The following ADGRA3 variants were observed in gnomAD, a reference collection of about 807,000 sequenced individuals.
ADGRA3 encodes G-protein coupled receptor 125.
ADGRA3 carries 56 observed loss-of-function variants against 119.8 expected under a neutral mutation model. The ratio of observed to expected loss-of-function variants is 0.47; its 90% confidence interval spans 0.38 to 0.58. The LOEUF (loss-of-function observed/expected upper bound fraction) is 0.58, where lower values mean the gene tolerates loss of function less well. Among genes scored for constraint, ADGRA3 ranks in the 20% least tolerant of loss-of-function variants. The probability of loss-of-function intolerance (pLI) is 0.00; values close to 1 mark genes in which losing one functional copy is unlikely to be tolerated. For missense variants in ADGRA3, 1,516 were observed against 1,649.0 expected, an observed-to-expected ratio of 0.92 and a Z score of 1.40; for synonymous variants, 607 against 623.8, an observed-to-expected ratio of 0.97 and a Z score of 0.40.
intron 1 of ADGRA3, among the ~76,000 whole-genome samples, chr4:22,496,436 C>T (rs1395476818): frequency 6.6e-6 from 1 of 152,174 alleles, no homozygotes; most frequent in African/African-American, 2.4e-5. Flanking sequence ...GCAAACATTA[C>T]CTATTATTAT....
intron 10 of ADGRA3, among the ~76,000 whole-genome samples, chr4:22,425,537 A>G (rs535580561): frequency 6.1e-4 from 93 of 152,322 alleles, no homozygotes; most frequent in African/African-American, 2.1e-3. Context: ...AGAGGGAGAC[A>G]TGCAGCAGAA....
intron 1 of ADGRA3, among the ~76,000 whole-genome samples, chr4:22,500,993 T>C (rs2109169445): frequency 6.6e-6 from 1 of 152,256 alleles, no homozygotes; most frequent in South Asian, 2.1e-4. Context: ...CTTAAGTTCT[T>C]AAGCTTTCAG....
At chr4:22,491,752 T>C (rs1718631815) in intron 1 of ADGRA3, among the ~76,000 whole-genome samples, 1 of 152,224 alleles carries the variant, frequency 6.6e-6, no homozygotes, top group Admixed American at 6.5e-5. Flanking sequence ...TTGTTCTTGT[T>C]GTATCTGGAG....
chr4:22,401,741 C>T (rs1349063332), intron 15 of ADGRA3, among the ~76,000 whole-genome samples, 187 bp from the exon 16 acceptor site: 3 of 152,062 alleles, frequency 2.0e-5, no homozygotes, highest in Non-Finnish European at 4.4e-5. Flanking sequence ...CATCATTTAA[C>T]TCGATCTCGT....
chr4:22,457,599 A>G (rs377026539), intron 3 of ADGRA3, among the ~76,000 whole-genome samples: 8 of 152,342 alleles, frequency 5.3e-5, no homozygotes, highest in African/African-American at 1.9e-4. Context: ...CTTAACGTGT[A>G]ACACAGTGAA....
In ADGRA3 at chr4:22,436,523, T is replaced by C; in HGVS notation, c.1204A>G (p.Arg402Gly). The C allele has an allele frequency of 7.4e-6, 12 of 1,613,646 alleles. No individual in the cohort carries two copies. Among genetic ancestry groups the C allele is most frequent in the Non-Finnish European group, 1.0e-5 (12 of 1,179,890 alleles). The part of the protein sequence containing the change: ...DERKAWRRCD[R>G]GGFWADDDYS... ...TCATCATCTGCCCAAAAGCCACCTC[T>C]ATCACATCTGCGCCAAGCTTTTCTC... Residue 402 changes from arginine (R) to glycine (G), a missense_variant, in exon 9 of 19, where the codon AGA becomes GGA. By Grantham distance (125) the Arg-to-Gly change is moderately radical. This residue lies in a region of ADGRA3 where 428 missense variants were observed against 541.9 expected (regional missense o/e 0.79). Transcript: ENST00000334304.
intron 4 of ADGRA3, 49 bp downstream of exon 4, chr4:22,454,817 G>C: frequency 8.1e-6 from 11 of 1,360,490 alleles, no homozygotes; most frequent in Non-Finnish European, 1.2e-5. Flanking sequence ...TTTAGGTACT[G>C]GCTCAAATGC....
chr4:22,387,712 G>A lies in ADGRA3; in HGVS notation c.3959C>T (p.Thr1320Ile). The change falls in exon 19 of 19, where the codon ACT (threonine) becomes ATT (isoleucine). Residue 1320 changes from threonine to isoleucine, a missense_variant. By Grantham distance (89) the Thr-to-Ile change is moderately conservative. Transcript: ENST00000334304. The stretch of plus-strand genomic sequence containing the variant: ...CTAGGAAGCCCAGCAATGTTACACA[G>A]TAGTTTCGTGTTTCCATAATCCAGT... ...VRTGLWKHET[T>I]V 1.2e-6 allele frequency: 2 copies of A among 1,603,032 alleles called. No homozygotes were observed. Among genetic ancestry groups the A allele is most frequent in the Non-Finnish European group, 8.5e-7 (1 of 1,172,834 alleles).
intron 1 of ADGRA3, among the ~76,000 whole-genome samples, chr4:22,475,348 T>C (rs972273917): frequency 1.3e-5 from 2 of 152,232 alleles, no homozygotes; most frequent in African/African-American, 4.8e-5. Flanking sequence ...TTCAATGTTT[T>C]CTGACGTGTC....
rs148366074 is a variant in ADGRA3 at position 22,426,133 on chromosome 4, AGAT to A, written c.1444-1784_1444-1782del. The stretch of plus-strand genomic sequence containing the variant: ...AATCCCGAAATTGGCCTCTCTTTTA[AGAT>A]GATAGACTCTAGAGGTAGTAGAAGG... On this transcript the variant is annotated intron_variant, in intron 10 of 18. Coordinates refer to ENST00000334304, the MANE Select transcript of ADGRA3 (RefSeq NM_145290.4). Among the ~76,000 whole-genome samples the A allele has an allele frequency of 7.1e-4, 108 of 152,316 alleles. No homozygotes were observed. The East Asian group carries it at 0.013, about 18-fold the overall frequency.
At chr4:22,488,507 C>T (rs1718515046) in intron 1 of ADGRA3, among the ~76,000 whole-genome samples, 1 of 152,146 alleles carries the variant, frequency 6.6e-6, no homozygotes. Context: ...CCCTGAGCCT[C>T]GTACAATTCA....
chr4:22,411,654 T>C (rs931114436), intron 14 of ADGRA3, among the ~76,000 whole-genome samples: 17 of 152,130 alleles, frequency 1.1e-4, no homozygotes, highest in African/African-American at 3.4e-4. Context: ...TGTGAACTTA[T>C]AGAAACCAGA....
chr4:22,406,019 T>C (rs1351609070), intron 14 of ADGRA3, among the ~76,000 whole-genome samples: 1 of 152,116 alleles, frequency 6.6e-6, no homozygotes, highest in Admixed American at 6.5e-5. Context: ...TCTACCTCCA[T>C]GAGATCAACT....
At chr4:22,486,998 G>A (rs961652448) in intron 1 of ADGRA3, among the ~76,000 whole-genome samples, 2 of 152,046 alleles carry the variant, frequency 1.3e-5, no homozygotes, top group Non-Finnish European at 2.9e-5. Flanking sequence ...AAAGCTGATA[G>A]TGGACGTTTT....
intron 1 of ADGRA3, among the ~76,000 whole-genome samples, chr4:22,501,131 C>A (rs1289993474): frequency 6.6e-6 from 1 of 152,156 alleles, no homozygotes; most frequent in Non-Finnish European, 1.5e-5. Flanking sequence ...TTCCTTATAA[C>A]CATGTGAGCC....
chr4:22,406,831 C>G lies in ADGRA3; in HGVS notation c.2233-4032G>C, dbSNP rs137863312. Among the ~76,000 whole-genome samples, 949 of 152,034 alleles carry G rather than the reference C, an allele frequency of 6.2e-3. 12 individuals are homozygous for G. Among genetic ancestry groups the G allele is most frequent in the Middle Eastern group, 0.02 (6 of 294 alleles). On this transcript the variant is annotated intron_variant, in intron 14 of 18. Transcript: ENST00000334304. ...TTGGGGGCCAAGAGGCAAATTAAAGCTGTTATGCAGGTAGTATTAACCATG... is the reference window on the plus strand; with the variant it reads ...TTGGGGGCCAAGAGGCAAATTAAAGGTGTTATGCAGGTAGTATTAACCATG...
rs550354702 is a variant in ADGRA3, at chr4:22,515,437, G to A, written c.257+91C>T. 4.1e-6 allele frequency: 6 copies of A among 1,448,956 alleles called. No individual in the cohort carries two copies. In the African/African-American group the frequency reaches 5.8e-5, roughly 14 times the overall value. The allele number at this position is 1,448,956 out of a possible 1,614,324, so 89.8% of individuals were successfully genotyped here. A position where few individuals can be genotyped will look rare whatever the true frequency, so the allele number is the denominator to read the frequency against. ...TGCCTACAGCTCCACACAAAGGCGC[G>A]TGGGTGCCGGCTGGACCCTGCTCCA... is the stretch of plus-strand genomic sequence containing the variant. On this transcript the variant is annotated intron_variant, in intron 1 of 18. Coordinates refer to ENST00000334304, the MANE Select transcript of ADGRA3 (RefSeq NM_145290.4).
chr4:22,419,269 AG>A (rs1715552207), intron 12 of ADGRA3, among the ~76,000 whole-genome samples: 1 of 152,134 alleles, frequency 6.6e-6, no homozygotes, highest in Non-Finnish European at 1.5e-5. Flanking sequence ...AAGGATGCAA[AG>A]AAAGAGCAAA....
intron 8 of ADGRA3, 106 bp downstream of exon 8, chr4:22,438,150 A>T: frequency 1.3e-6 from 1 of 789,758 alleles, no homozygotes; most frequent in Non-Finnish European, 2.1e-6. Flanking sequence ...AGACATGTGC[A>T]GTTCTCAAAT....
Sources: allele counts gnomAD v4.1 joint callset (sites outside exome capture counted in the v4.1 genomes callset), GRCh38; gene constraint gnomAD v4.1.1; regional missense constraint gnomAD v4.1.1; transcripts MANE v1.5; gene names NCBI Gene and HGNC (gene_info 2026-07-23, HGNC 2026-07-21).